The following CDK6 variants were observed in gnomAD, a reference collection of about 807,000 sequenced individuals.
CDK6 encodes cyclin dependent kinase 6.
CDK6 carries 6 observed loss-of-function variants against 37.1 expected under a neutral mutation model. The ratio of observed to expected loss-of-function variants is 0.16; its 90% confidence interval spans 0.09 to 0.32. The LOEUF (loss-of-function observed/expected upper bound fraction) is 0.32, where lower values mean the gene tolerates loss of function less well. Ranked by LOEUF, CDK6 falls within the 10% of genes least tolerant of loss-of-function variation. The probability of loss-of-function intolerance (pLI) is 1.00; values close to 1 mark genes in which losing one functional copy is unlikely to be tolerated. For missense variants in CDK6, 224 were observed against 418.9 expected, an observed-to-expected ratio of 0.53 and a Z score of 4.06; for synonymous variants, 160 against 161.3, an observed-to-expected ratio of 0.99 and a Z score of 0.06.
intron 5 of CDK6, among the ~76,000 whole-genome samples, chr7:92,633,270 T>C (rs1409996409): frequency 6.6e-6 from 1 of 152,180 alleles, no homozygotes; most frequent in Admixed American, 6.6e-5. Flanking sequence ...TAGAATCCAA[T>C]GATGTGTGAT....
At chr7:92,820,302 G>A (rs189893297) in intron 2 of CDK6, among the ~76,000 whole-genome samples, 2 of 152,042 alleles carry the variant, frequency 1.3e-5, no homozygotes, top group Non-Finnish European at 2.9e-5. Flanking sequence ...AGCTTCATAG[G>A]GTTATAATGT....
intron 4 of CDK6, among the ~76,000 whole-genome samples, chr7:92,715,124 C>G (rs528592167): frequency 2.6e-5 from 4 of 152,088 alleles, no homozygotes; most frequent in African/African-American, 4.8e-5. Flanking sequence ...AAAACACTTC[C>G]GTACATTTCA....
chr7:92,797,779 GT>G, intron 2 of CDK6, among the ~76,000 whole-genome samples: 1 of 152,216 alleles, frequency 6.6e-6, no homozygotes. Flanking sequence ...CTAATTGTTA[GT>G]TTGGTTTATA....
In CDK6 at chr7:92,700,552, G is replaced by T. The variant is rs117283549; in HGVS notation, c.537+25074C>A. Among the ~76,000 whole-genome samples, 17 of 152,350 alleles carry T rather than the reference G, an allele frequency of 1.1e-4. No individual in the cohort carries two copies. In the East Asian group the frequency reaches 3.3e-3, roughly 29 times the overall value. ...GGCCATCAGCCTGAATAGGGACCCA[G>T]AAGGGAATGACTGGAAGGCTTGCTA... is the stretch of plus-strand genomic sequence containing the variant. On this transcript the variant is annotated intron_variant, in intron 4 of 7. Coordinates refer to ENST00000424848, the MANE Select transcript of CDK6 (RefSeq NM_001145306.2).
chr7:92,607,972 G>A lies in CDK6; in HGVS notation c.*7168C>T. ...TTCAGACTTTAAGATCAAACTGAGA[G>A]TTGTTGGTGATCACAGAAATATTGC... On this transcript the variant is annotated 3_prime_UTR_variant, in exon 8 of 8. Coordinates refer to ENST00000424848, the MANE Select transcript of CDK6 (RefSeq NM_001145306.2). 1 of 233,396 alleles carries A rather than the reference G, an allele frequency of 4.3e-6. No individual in the cohort carries two copies. The highest frequency in any genetic ancestry group is 8.5e-6 in the Non-Finnish European group (1 of 117,928). 14.5% of individuals were successfully genotyped at this position (233,396 alleles called of 1,614,324 possible). A position where few individuals can be genotyped will look rare whatever the true frequency, so the allele number is the denominator to read the frequency against.
chr7:92,747,190 C>G (rs981290303), intron 3 of CDK6, among the ~76,000 whole-genome samples: 1 of 152,130 alleles, frequency 6.6e-6, no homozygotes, highest in African/African-American at 2.4e-5. Flanking sequence ...TCCTTTACTC[C>G]GGACAATGAG....
At chr7:92,642,433 C>T (rs965143684) in intron 5 of CDK6, among the ~76,000 whole-genome samples, 2 of 152,216 alleles carry the variant, frequency 1.3e-5, no homozygotes, top group East Asian at 1.9e-4. Flanking sequence ...ATGCTGTGTA[C>T]CCCACGCTTG....
chr7:92,759,998 T>C (rs971977788), intron 3 of CDK6, among the ~76,000 whole-genome samples: 1 of 152,200 alleles, frequency 6.6e-6, no homozygotes, highest in Non-Finnish European at 1.5e-5. Flanking sequence ...ATCTTATCTA[T>C]TCACGGACAA....
intron 2 of CDK6, among the ~76,000 whole-genome samples, chr7:92,825,831 T>C (rs1252473855): frequency 6.6e-6 from 1 of 152,222 alleles, no homozygotes; most frequent in Non-Finnish European, 1.5e-5. Context: ...GCTGAATGTA[T>C]GCTCATTTCC....
chr7:92,686,350 T>G (rs1023725421), intron 4 of CDK6, among the ~76,000 whole-genome samples: 4 of 152,122 alleles, frequency 2.6e-5, no homozygotes, highest in Non-Finnish European at 5.9e-5. Context: ...CCTCATTGCT[T>G]ATGAGTGAGA....
chr7:92,771,067 T>A (rs568574948), intron 3 of CDK6, among the ~76,000 whole-genome samples: 1 of 151,820 alleles, frequency 6.6e-6, no homozygotes, highest in Non-Finnish European at 1.5e-5. Flanking sequence ...TGAAACCCAG[T>A]CTCTACTAAA....
intron 2 of CDK6, among the ~76,000 whole-genome samples, chr7:92,786,226 G>A (rs539960924): frequency 1.2e-4 from 19 of 152,248 alleles, no homozygotes; most frequent in Admixed American, 3.9e-4. Context: ...AATGAAGACT[G>A]TCTGCTGTGT....
intron 2 of CDK6, among the ~76,000 whole-genome samples, chr7:92,806,717 C>T (rs1163137723): frequency 6.6e-6 from 1 of 152,062 alleles, no homozygotes; most frequent in Non-Finnish European, 1.5e-5. Flanking sequence ...CGGAACAGAC[C>T]GACTTCTCTT....
At chr7:92,652,667 C>T (rs926188637) in intron 5 of CDK6, among the ~76,000 whole-genome samples, 1 of 152,140 alleles carries the variant, frequency 6.6e-6, no homozygotes, top group Admixed American at 6.5e-5. Context: ...ACTAACCCAA[C>T]CACATTCCTA....
intron 3 of CDK6, among the ~76,000 whole-genome samples, chr7:92,757,780 T>C (rs867352457): frequency 5.9e-5 from 9 of 152,270 alleles, no homozygotes; most frequent in Middle Eastern, 6.8e-3. Flanking sequence ...CAACAGTGTA[T>C]AGTGTTCCCT....
At chr7:92,754,552 T>A (rs964653074) in intron 3 of CDK6, among the ~76,000 whole-genome samples, 41 of 152,252 alleles carry the variant, frequency 2.7e-4, no homozygotes, top group African/African-American at 9.6e-4. Flanking sequence ...CAGTCACCCA[T>A]CCCTCTGTGC....
intron 2 of CDK6, among the ~76,000 whole-genome samples, chr7:92,795,938 AC>A (rs1800396928): frequency 6.6e-6 from 1 of 152,088 alleles, no homozygotes; most frequent in South Asian, 2.1e-4. Flanking sequence ...TACTAAAGCC[AC>A]CTTCTTGTCC....
chr7:92,767,967 G>A (rs909162090), intron 3 of CDK6, among the ~76,000 whole-genome samples: 2 of 152,062 alleles, frequency 1.3e-5, no homozygotes, highest in Non-Finnish European at 2.9e-5. Flanking sequence ...TTTGAATAAG[G>A]CATAATAAGG....
intron 2 of CDK6, among the ~76,000 whole-genome samples, chr7:92,784,464 G>A (rs981081844): frequency 6.6e-6 from 1 of 152,168 alleles, no homozygotes; most frequent in Non-Finnish European, 1.5e-5. Context: ...ATCAGGAACA[G>A]GGCACTGTTT....
Sources: allele counts gnomAD v4.1 joint callset (sites outside exome capture counted in the v4.1 genomes callset), GRCh38; gene constraint gnomAD v4.1.1; transcripts MANE v1.5; gene names NCBI Gene and HGNC (gene_info 2026-07-23, HGNC 2026-07-21).